Variants in CCR5AS observed in about 807,000 individuals in gnomAD.
CCR5AS encodes the protein CCR5 antisense RNA.
intron 1 of CCR5AS, among the ~76,000 whole-genome samples, chr3:46,394,050 A>T (rs1559575067): frequency 6.6e-6 from 1 of 151,876 alleles, no homozygotes; most frequent in Non-Finnish European, 1.5e-5. Context: ...CCCTTCTCCC[A>T]CCCCACAGTT....
At chr3:46,384,866 TA>T (rs779128961) in intron 2 of CCR5AS, among the ~76,000 whole-genome samples, 5 of 25,828 alleles carry the variant, frequency 1.9e-4, no homozygotes, top group African/African-American at 1.1e-3. Flanking sequence ...GATAGATAGA[TA>T]GATAGATAGA....
chr3:46,385,962 G>T (rs941997878), intron 2 of CCR5AS, among the ~76,000 whole-genome samples: 1 of 151,966 alleles, frequency 6.6e-6, no homozygotes, highest in South Asian at 2.1e-4. Context: ...TTATTTTTGA[G>T]ACAGGGTCTC....
At chr3:46,365,188 G>A (rs1208756340) in intron 3 of CCR5AS, 1 of 152,230 alleles carries the variant, frequency 6.6e-6, no homozygotes, top group Admixed American at 6.5e-5. Flanking sequence ...ACATGGTATG[G>A]AGAAATCTTT....
At chr3:46,379,121 C>T (rs1701790064) in intron 2 of CCR5AS, among the ~76,000 whole-genome samples, 1 of 149,952 alleles carries the variant, frequency 6.7e-6, no homozygotes, top group East Asian at 2.0e-4. Context: ...GCTGCACCCA[C>T]TAACTCGTCA....
chr3:46,386,253 A>C (rs1401542611), intron 2 of CCR5AS, among the ~76,000 whole-genome samples: 1 of 152,154 alleles, frequency 6.6e-6, no homozygotes, highest in Non-Finnish European at 1.5e-5. Flanking sequence ...TTTGCTCTGC[A>C]ATAAATCTCT....
At chr3:46,364,883 G>A (rs1257005332) in exon 4 of CCR5AS, 1 of 152,312 alleles carries the variant, frequency 6.6e-6, no homozygotes, top group African/African-American at 2.4e-5. Flanking sequence ...AGTCGCTGTA[G>A]ATGTGGTGGA....
intron 3 of CCR5AS, among the ~76,000 whole-genome samples, chr3:46,369,670 G>A (rs1701635704): frequency 6.6e-6 from 1 of 152,194 alleles, no homozygotes; most frequent in African/African-American, 2.4e-5. Context: ...CTAAGAGTTT[G>A]ATGTTTACTG....
chr3:46,374,124 A>G, intron 2 of CCR5AS: 1 of 458,892 alleles, frequency 2.2e-6, no homozygotes, highest in African/African-American at 2.0e-5. Flanking sequence ...TGTTTAAAGT[A>G]GATTAGATCT....
At chr3:46,367,314 AT>A (rs1260889518) in intron 3 of CCR5AS, among the ~76,000 whole-genome samples, 1 of 151,814 alleles carries the variant, frequency 6.6e-6, no homozygotes, top group Non-Finnish European at 1.5e-5. Context: ...AACTACACTT[AT>A]AAAGAATTTT....
intron 3 of CCR5AS, among the ~76,000 whole-genome samples, chr3:46,367,592 G>T (rs1701612144): frequency 6.6e-6 from 1 of 152,108 alleles, no homozygotes; most frequent in Non-Finnish European, 1.5e-5. Flanking sequence ...GTTTGGTTTT[G>T]AGACACAGCT....
At chr3:46,372,794 A>G (rs1701680791) in intron 2 of CCR5AS, 12 of 831,878 alleles carry the variant, frequency 1.4e-5, no homozygotes, top group Non-Finnish European at 2.3e-5. Context: ...TATGTAGGCA[A>G]TTAAAAACCT....
At chr3:46,404,833 C>A (rs189425136) in intron 1 of CCR5AS, among the ~76,000 whole-genome samples, 37 of 152,286 alleles carry the variant, frequency 2.4e-4, no homozygotes, top group Admixed American at 2.4e-3. Context: ...TGGAACAGAG[C>A]TAGGCACAGG....
In CCR5AS at chr3:46,389,737, C is replaced by A. The variant is rs189496609; in HGVS notation, n.391+3088G>T. ...GATTAGTTAAATTACCCTTTGTGAG[C>A]TAGTAAAGTGGTTTGATTAGGATAG... On this transcript the variant is annotated intron_variant and non_coding_transcript_variant, in intron 2 of 3. Transcript: ENST00000451485. Among the ~76,000 whole-genome samples the A allele has an allele frequency of 3.3e-5, 5 of 152,170 alleles. No homozygotes were observed. The East Asian group carries it at 9.7e-4, about 29-fold the overall frequency.
In CCR5AS at chr3:46,404,060, T is replaced by C. The variant is rs530208426; in HGVS notation, n.163+2837A>G. Among the ~76,000 whole-genome samples the C allele has an allele frequency of 2.6e-5, 4 of 152,318 alleles. No homozygotes were observed. The East Asian group carries it at 7.7e-4, about 29-fold the overall frequency. On this transcript the variant is annotated intron_variant and non_coding_transcript_variant, in intron 1 of 3. Transcript: ENST00000451485. Reference sequence around the variant, plus strand: ...GAACACAGAAGAGTGAATGAAGAGCTGAAAGGCGATAAATCAGTAACTGGA... The same window carrying C: ...GAACACAGAAGAGTGAATGAAGAGCCGAAAGGCGATAAATCAGTAACTGGA...
At chr3:46,369,767 A>T (rs2106738842) in intron 3 of CCR5AS, among the ~76,000 whole-genome samples, 1 of 152,280 alleles carries the variant, frequency 6.6e-6, no homozygotes, top group African/African-American at 2.4e-5. Context: ...CATTCAGCCC[A>T]ATACCCAGAC....
chr3:46,368,230 G>T (rs879482667), intron 3 of CCR5AS, among the ~76,000 whole-genome samples: 1 of 152,156 alleles, frequency 6.6e-6, no homozygotes, highest in Non-Finnish European at 1.5e-5. Context: ...ATATGGGCAT[G>T]GAGTCTAGAG....
intron 2 of CCR5AS, among the ~76,000 whole-genome samples, chr3:46,386,164 C>T (rs180725584): frequency 2.0e-5 from 3 of 152,206 alleles, no homozygotes; most frequent in Admixed American, 6.5e-5. Flanking sequence ...GATCAGCCTG[C>T]CTCCACCTTC....
At chr3:46,394,699 G>C (rs1298393686) in intron 1 of CCR5AS, among the ~76,000 whole-genome samples, 1 of 152,172 alleles carries the variant, frequency 6.6e-6, no homozygotes, top group African/African-American at 2.4e-5. Context: ...GAAATTACAA[G>C]GAAAAGTGTA....
chr3:46,395,737 A>G (rs888159476), intron 1 of CCR5AS, among the ~76,000 whole-genome samples: 1 of 150,902 alleles, frequency 6.6e-6, no homozygotes, highest in Non-Finnish European at 1.5e-5. Context: ...AGAGGACAGG[A>G]CCAGCCTCTG....
Sources: allele counts gnomAD v4.1 joint callset (sites outside exome capture counted in the v4.1 genomes callset), GRCh38; gene constraint gnomAD v4.1.1; transcripts MANE v1.5; gene names NCBI Gene and HGNC (gene_info 2026-07-23, HGNC 2026-07-21).